Variants in VIPR1 observed in about 807,000 individuals in gnomAD.
The protein encoded by VIPR1 is vasoactive intestinal peptide receptor 1.
A neutral mutation model predicts 58.8 loss-of-function variants in VIPR1; 59 were observed. That is an observed-to-expected ratio of 1.00 (90% CI 0.81 to 1.25). The LOEUF is 1.25. Ranked by LOEUF, VIPR1 falls within the 50% of genes most tolerant of loss-of-function variation. The pLI, the probability that VIPR1 is intolerant of heterozygous loss-of-function variation, is 0.00. For missense variants in VIPR1, 626 were observed against 602.7 expected, an observed-to-expected ratio of 1.04 and a Z score of -0.40; for synonymous variants, 251 against 242.1, an observed-to-expected ratio of 1.04 and a Z score of -0.34.
At chr3:42,534,665 A>G (rs915763503) in intron 10 of VIPR1, 3 of 212,212 alleles carry the variant, frequency 1.4e-5, no homozygotes, top group African/African-American at 4.6e-5. Context: ...TGTCCCTGTT[A>G]GCATCATTCT....
At chr3:42,511,034 G>A (rs1700337833) in intron 1 of VIPR1, among the ~76,000 whole-genome samples, 1 of 152,180 alleles carries the variant, frequency 6.6e-6, no homozygotes, top group Non-Finnish European at 1.5e-5. Flanking sequence ...TGTCCTCAGA[G>A]GGCAAGGCTG....
exon 1 of VIPR1, chr3:42,489,325 C>T (rs2125621323): frequency 6.6e-6 from 1 of 152,292 alleles, no homozygotes; most frequent in East Asian, 1.9e-4. Context: ...AGTGGAAAAG[C>T]AGCTTCTTTC....
chr3:42,507,531 G>A (rs1160270095), intron 1 of VIPR1, among the ~76,000 whole-genome samples: 1 of 152,230 alleles, frequency 6.6e-6, no homozygotes. Flanking sequence ...TGCCTGTGCT[G>A]GAGTCCAGCC....
At chr3:42,490,775 A>T (rs942729284) in intron 1 of VIPR1, among the ~76,000 whole-genome samples, 2 of 152,120 alleles carry the variant, frequency 1.3e-5, no homozygotes, top group African/African-American at 4.8e-5. Flanking sequence ...CATTGAGAAG[A>T]GAGGTGGGGA....
intron 6 of VIPR1, chr3:42,528,330 A>G: frequency 1.4e-6 from 1 of 696,588 alleles, no homozygotes; most frequent in East Asian, 2.8e-5. Context: ...GATGTTGCTC[A>G]CCCATCTGGG....
At chr3:42,530,706 C>G (rs1174260745) in intron 6 of VIPR1, 73 bp from the exon 7 acceptor site, 3 of 1,543,394 alleles carry the variant, frequency 1.9e-6, no homozygotes, top group East Asian at 4.5e-5. Flanking sequence ...GTTTGTCCCC[C>G]CAGACACGAG....
intron 3 of VIPR1, among the ~76,000 whole-genome samples, chr3:42,525,535 A>G (rs1701186402): frequency 6.6e-6 from 1 of 152,164 alleles, no homozygotes; most frequent in Non-Finnish European, 1.5e-5. Flanking sequence ...AAGGGTCAGC[A>G]TTCTGCTCAC....
intron 1 of VIPR1, among the ~76,000 whole-genome samples, chr3:42,496,401 A>G (rs1699762281): frequency 6.6e-6 from 1 of 152,252 alleles, no homozygotes; most frequent in Non-Finnish European, 1.5e-5. Flanking sequence ...TGTTAACTCT[A>G]TAAAAGTAAC....
At chr3:42,533,599 C>G (rs1174266945) in intron 10 of VIPR1, 1 of 152,048 alleles carries the variant, frequency 6.6e-6, no homozygotes, top group South Asian at 2.1e-4. Context: ...TGTGGTGAGA[C>G]AGAAAGGAAA....
chr3:42,511,010 G>A (rs55886057), intron 1 of VIPR1, among the ~76,000 whole-genome samples: 1,625 of 152,236 alleles, frequency 0.011, 29 homozygotes, highest in East Asian at 0.059. Context: ...AGAAAGTGAG[G>A]GCGTCCATTA....
At chr3:42,511,091 C>T (rs1401657381) in intron 1 of VIPR1, among the ~76,000 whole-genome samples, 2 of 152,168 alleles carry the variant, frequency 1.3e-5, no homozygotes, top group South Asian at 2.1e-4. Context: ...CTGATCCAAG[C>T]CATAAAGGAA....
At chr3:42,496,597 C>T (rs1256512931) in intron 1 of VIPR1, among the ~76,000 whole-genome samples, 1 of 152,118 alleles carries the variant, frequency 6.6e-6, no homozygotes, top group African/African-American at 2.4e-5. Flanking sequence ...TTCTACATAA[C>T]TTGAGGCTAT....
intron 1 of VIPR1, among the ~76,000 whole-genome samples, chr3:42,495,614 C>G (rs570037108): frequency 2.1e-4 from 32 of 152,024 alleles, no homozygotes; most frequent in African/African-American, 7.7e-4. Flanking sequence ...AAAGGAGGTT[C>G]TAGAGTTCAG....
intron 8 of VIPR1, 49 bp downstream of exon 8, chr3:42,531,580 C>A (rs1456173848): frequency 1.9e-6 from 3 of 1,583,740 alleles, no homozygotes; most frequent in Non-Finnish European, 1.7e-6. Context: ...CTTGGGCAGG[C>A]CCCCTGGGTG....
At position 42,535,031 on chromosome 3, in the gene VIPR1, T is replaced by C. The variant is rs1701769294; in HGVS notation, c.1067T>C (p.Met356Thr). The C allele has an allele frequency of 3.1e-6, 5 of 1,614,190 alleles. No individual in the cohort carries two copies. Among genetic ancestry groups the C allele is most frequent in the Non-Finnish European group, 3.4e-6 (4 of 1,180,024 alleles). The change falls in exon 11 of 13, where the codon ATG becomes ACG. Residue 356 changes from methionine to threonine, a missense_variant. Met to Thr is a moderately conservative substitution (Grantham distance 81). Transcript: ENST00000325123. ...CCCCTGTTTGGAGTACACTACATCA[T>C]GTTCGCCTTCTTTCCGGACAATTTT... is the stretch of plus-strand genomic sequence containing the variant. ...LIPLFGVHYI[M>T]FAFFPDNFKP...
exon 1 of VIPR1, chr3:42,489,677 C>A (rs1011665411): frequency 6.6e-6 from 1 of 152,236 alleles, no homozygotes; most frequent in Non-Finnish European, 1.5e-5. Flanking sequence ...ACCGTGTGGA[C>A]GGTAGGGTAA....
At chr3:42,490,777 A>G (rs927532595) in intron 1 of VIPR1, among the ~76,000 whole-genome samples, 15 of 152,114 alleles carry the variant, frequency 9.9e-5, no homozygotes, top group African/African-American at 3.4e-4. Flanking sequence ...TTGAGAAGAG[A>G]GGTGGGGAGC....
chr3:42,528,007 C>A lies in VIPR1; in HGVS notation c.520C>A (p.Arg174=), dbSNP rs747988607. ...CCCACACAGGAAGCTCCACTGCACG[C>A]GGAACTACATCCACATGCACCTCTT... ...LSLFRKLHCT[R]NYIHMHLFIS... is the part of the protein sequence containing the mutation. The change falls in exon 6 of 13, where the codon CGG becomes AGG. Residue 174 remains arginine, a synonymous_variant. Transcript: ENST00000325123. The A allele has an allele frequency of 1.9e-6, 3 of 1,614,006 alleles. No individual in the cohort carries two copies. The highest frequency in any genetic ancestry group is 1.3e-5 in the African/African-American group (1 of 75,020).
At chr3:42,523,050 G>T (rs953937330) in intron 3 of VIPR1, among the ~76,000 whole-genome samples, 4 of 151,716 alleles carry the variant, frequency 2.6e-5, no homozygotes, top group African/African-American at 9.7e-5. Context: ...CCTGGCCCAG[G>T]CATGCCCTGA....
Sources: allele counts gnomAD v4.1 joint callset (sites outside exome capture counted in the v4.1 genomes callset), GRCh38; gene constraint gnomAD v4.1.1; transcripts MANE v1.5; gene names NCBI Gene and HGNC (gene_info 2026-07-23, HGNC 2026-07-21).